TMEM266: variants seen among roughly 807,000 people sequenced by gnomAD.
The protein encoded by TMEM266 is transmembrane protein 266.
A neutral mutation model predicts 50.5 loss-of-function variants in TMEM266; 33 were observed. That is an observed-to-expected ratio of 0.65 (90% CI 0.50 to 0.87). The LOEUF is 0.87. TMEM266 is among the 40% of genes least tolerant of loss of function. TMEM266 has a pLI of 0.00. For synonymous variants in TMEM266, 310 were observed against 292.3 expected, an observed-to-expected ratio of 1.06 and a Z score of -0.62; for missense variants, 655 against 695.1, an observed-to-expected ratio of 0.94 and a Z score of 0.65.
At chr15:76,132,391 G>T (rs1302661529) in intron 1 of TMEM266, among the ~76,000 whole-genome samples, 4 of 151,984 alleles carry the variant, frequency 2.6e-5, no homozygotes, top group Admixed American at 6.5e-5. Flanking sequence ...TTATAGGCGT[G>T]AACCACCGCG....
At chr15:76,195,667 G>T (rs531440167) in intron 9 of TMEM266, among the ~76,000 whole-genome samples, 46 of 152,326 alleles carry the variant, frequency 3.0e-4, no homozygotes, top group Non-Finnish European at 5.9e-5. Context: ...GGCCTGCCCC[G>T]TGTTGTTCTT....
intron 7 of TMEM266, among the ~76,000 whole-genome samples, chr15:76,174,049 T>C (rs2038230846): frequency 6.6e-6 from 1 of 152,180 alleles, no homozygotes; most frequent in Non-Finnish European, 1.5e-5. Context: ...TCTGTTTTTC[T>C]GTTTTGTTGC....
intron 4 of TMEM266, among the ~76,000 whole-genome samples, chr15:76,157,331 C>T (rs112140847): frequency 3.3e-5 from 5 of 152,242 alleles, no homozygotes; most frequent in African/African-American, 9.6e-5. Context: ...ATATTATAGA[C>T]GAGGCAAATT....
At chr15:76,173,068 T>C (rs2038211013) in intron 7 of TMEM266, among the ~76,000 whole-genome samples, 1 of 152,148 alleles carries the variant, frequency 6.6e-6, no homozygotes, top group Admixed American at 6.5e-5. Context: ...GTTAATTTGC[T>C]ACTCTTGCAA....
At chr15:76,183,684 A>T (rs1416124736) in intron 8 of TMEM266, among the ~76,000 whole-genome samples, 2 of 152,016 alleles carry the variant, frequency 1.3e-5, no homozygotes, top group Admixed American at 1.3e-4. Flanking sequence ...AACATTCCCT[A>T]CCCTTTCCCC....
chr15:76,139,052 C>T lies in TMEM266; in HGVS notation c.227+1157C>T, dbSNP rs536588000. Among the ~76,000 whole-genome samples the T allele has an allele frequency of 1.3e-5, 2 of 152,260 alleles. No individual in the cohort carries two copies. Among genetic ancestry groups the T allele is most frequent in the South Asian group, 4.1e-4 (2 of 4,824 alleles). ...CCTGGCAGGACCTTAGGAGCCAGTT[C>T]TGGACTTTTCTTTCCTGGGTGCCAG... On this transcript the variant is annotated intron_variant, in intron 3 of 10. Transcript: ENST00000388942. The surrounding 1 kb of genome is among the most constrained non-coding windows in gnomAD (Gnocchi z 4.1).
At position 76,136,037 on chromosome 15, in the gene TMEM266, G is replaced by A. The variant is rs182210245; in HGVS notation, c.39-1670G>A. Among the ~76,000 whole-genome samples the A allele has an allele frequency of 4.4e-3, 670 of 151,280 alleles. 8 individuals carry two copies. Among genetic ancestry groups the A allele is most frequent in the African/African-American group, 0.016 (641 of 41,308 alleles). ...CAGCTCACTGCAACCTCCATCTCCC[G>A]GGTTCAAGCGATTCTCCTGCCTCAG... On this transcript the variant is annotated intron_variant, in intron 2 of 10. Coordinates refer to ENST00000388942, the MANE Select transcript of TMEM266 (RefSeq NM_152335.3).
chr15:76,124,726 G>A (rs1426687020), intron 1 of TMEM266, among the ~76,000 whole-genome samples: 6 of 152,084 alleles, frequency 3.9e-5, no homozygotes, highest in Non-Finnish European at 7.4e-5. Flanking sequence ...TTGAGCCCAC[G>A]TGTTTCAGGC....
chr15:76,070,161 G>A lies in TMEM266; in HGVS notation c.-97+10145G>A, dbSNP rs183903636. 5.6e-3 allele frequency among the ~76,000 whole-genome samples: 850 copies of A among 152,182 alleles called. 6 individuals are homozygous for A. Among genetic ancestry groups the A allele is most frequent in the Non-Finnish European group, 9.2e-3 (628 of 68,012 alleles). ...AGAGGCAGAAATCCAGGGCTTGTCC[G>A]GCTGCTCAGGGCTGTCATCAGAGGC... On this transcript the variant is annotated intron_variant, in intron 1 of 10. Transcript: ENST00000388942.
intron 6 of TMEM266, 118 bp downstream of exon 6, chr15:76,169,990 T>G: frequency 8.8e-6 from 9 of 1,024,678 alleles, no homozygotes; most frequent in African/African-American, 1.6e-5. Flanking sequence ...TTCTCCCACT[T>G]GACCTCTGTG....
chr15:76,126,635 A>G (rs1243293499), intron 1 of TMEM266, among the ~76,000 whole-genome samples: 1 of 151,608 alleles, frequency 6.6e-6, no homozygotes, highest in Non-Finnish European at 1.5e-5. Flanking sequence ...GAGTTCAAGC[A>G]ATTCTCCTGC....
chr15:76,071,849 A>T (rs1596084395), intron 1 of TMEM266, among the ~76,000 whole-genome samples: 1 of 152,134 alleles, frequency 6.6e-6, no homozygotes, highest in East Asian at 1.9e-4. Context: ...TACCCAGGGC[A>T]GGGGGAGGAG....
At chr15:76,185,102 C>T (rs1186620843) in intron 8 of TMEM266, among the ~76,000 whole-genome samples, 1 of 152,144 alleles carries the variant, frequency 6.6e-6, no homozygotes, top group Non-Finnish European at 1.5e-5. Flanking sequence ...GTGTGGATTT[C>T]TGTGGGGTTT....
intron 9 of TMEM266, 24 bp from the exon 10 acceptor site, chr15:76,202,178 C>T (rs531698399): frequency 4.6e-5 from 73 of 1,602,296 alleles, no homozygotes; most frequent in Non-Finnish European, 5.6e-5. Context: ...ATGCACTCAC[C>T]CTTCTCTGTC....
chr15:76,175,805 T>C, intron 8 of TMEM266, 131 bp downstream of exon 8: 2 of 670,312 alleles, frequency 3.0e-6, no homozygotes, highest in Non-Finnish European at 5.1e-6. Flanking sequence ...GTTGGACTCA[T>C]GGGGAACCTG....
rs1187141259 is a variant in TMEM266, at chr15:76,160,018, A to G, written c.383-77A>G. ...GGGCCCCGGGGTCCCAGAGGTCTGG[A>G]CGGATGCTGCGAAGCCCCCATAGCA... On this transcript the variant is annotated intron_variant, in intron 4 of 10. Transcript: ENST00000388942. This position sits in a 1 kb window ranked among gnomAD's most constrained non-coding sequence, Gnocchi z 5.7. 1.4e-6 allele frequency: 2 copies of G among 1,421,432 alleles called. No homozygotes were observed. Among genetic ancestry groups the G allele is most frequent in the African/African-American group, 1.4e-5 (1 of 70,880 alleles). 88.1% of individuals were successfully genotyped at this position (1,421,432 alleles called of 1,614,324 possible). A position where few individuals can be genotyped will look rare whatever the true frequency, so the allele number is the denominator to read the frequency against.
intron 5 of TMEM266, among the ~76,000 whole-genome samples, chr15:76,164,678 A>G (rs1448318627): frequency 6.6e-6 from 1 of 152,216 alleles, no homozygotes; most frequent in African/African-American, 2.4e-5. Context: ...CTGCTTCTTA[A>G]GGAAGTGCCA....
At chr15:76,127,464 C>T (rs1189371347) in intron 1 of TMEM266, among the ~76,000 whole-genome samples, 1 of 151,996 alleles carries the variant, frequency 6.6e-6, no homozygotes, top group Non-Finnish European at 1.5e-5. Context: ...GCAGCTGAGA[C>T]TATAGGTGCA....
chr15:76,061,054 T>G (rs932811132), intron 1 of TMEM266, among the ~76,000 whole-genome samples: 1 of 152,228 alleles, frequency 6.6e-6, no homozygotes, highest in South Asian at 2.1e-4. Context: ...CTTTTCACCT[T>G]GCTTTGAACA....
Sources: gnomAD v4.1 joint callset for allele counts (sites outside exome capture counted in the v4.1 genomes callset) on GRCh38, gnomAD v4.1.1 for gene constraint, Gnocchi (gnomAD v3.1) non-coding constraint, MANE v1.5 for transcripts, NCBI Gene and HGNC (gene_info 2026-07-23, HGNC 2026-07-21) for gene names.